The following AFAP1 variants were observed in gnomAD, a reference collection of about 807,000 sequenced individuals.
AFAP1 encodes actin filament-associated protein 1.
In AFAP1, 75 loss-of-function variants were observed where a neutral mutation model predicts 93.9. The ratio of observed to expected loss-of-function variants is 0.80; its 90% confidence interval spans 0.66 to 0.97. AFAP1 has a LOEUF of 0.97. Among genes scored for constraint, AFAP1 ranks in the 50% least tolerant of loss-of-function variants. AFAP1 has a pLI of 0.00. For synonymous variants in AFAP1, 517 were observed against 430.7 expected (o/e 1.20, Z -2.48); for missense variants, 1,201 against 1,050.8 (o/e 1.14, Z -1.98).
Position 7,806,864 on chromosome 4 carries a change from G to A in AFAP1, c.1054+2750C>T, listed in dbSNP as rs114533155. The stretch of plus-strand genomic sequence containing the variant: ...ATTCCTGCTCCCTGAGCGACCAACT[G>A]TGCTTCCAAGAAAGTGCCCAAGAAG... On this transcript the variant is annotated intron_variant, in intron 9 of 17. Coordinates refer to ENST00000420658, the MANE Select transcript of AFAP1 (RefSeq NM_001134647.2). 6.8e-3 allele frequency among the ~76,000 whole-genome samples: 1,040 copies of A among 152,274 alleles called. 14 individuals are homozygous for A. The highest frequency in any genetic ancestry group is 0.024 in the African/African-American group (1,005 of 41,562).
At chr4:7,791,817 C>A (rs1350791938) in intron 11 of AFAP1, among the ~76,000 whole-genome samples, 2 of 148,924 alleles carry the variant, frequency 1.3e-5, no homozygotes, top group Admixed American at 6.8e-5. Flanking sequence ...TGTGCCACTG[C>A]ACTCCAGCCT....
intron 6 of AFAP1, among the ~76,000 whole-genome samples, chr4:7,824,835 G>C (rs1282600668): frequency 2.0e-5 from 3 of 152,052 alleles, no homozygotes; most frequent in African/African-American, 4.8e-5. Context: ...AACTGGTGAA[G>C]GGTACAGTGT....
rs10611947 is a variant in AFAP1, at chr4:7,840,262, ATGTG to A, written c.547-1563_547-1560del. ...GAGTCCTTTCTGGTTTGTTTTTGGGATGTGTGTGTGTGTGTGTGTGTGTGTTCCT... is the reference window on the plus strand; with the variant it reads ...GAGTCCTTTCTGGTTTGTTTTTGGGATGTGTGTGTGTGTGTGTGTGTTCCT... On this transcript the variant is annotated intron_variant, in intron 5 of 17. Transcript: ENST00000420658. Among the ~76,000 whole-genome samples the A allele has an allele frequency of 1.4e-3, 216 of 150,006 alleles. 2 individuals are homozygous for A. The East Asian group carries it at 0.024, about 17-fold the overall frequency.
chr4:7,876,394 C>T (rs1717508180), intron 1 of AFAP1, among the ~76,000 whole-genome samples: 1 of 152,216 alleles, frequency 6.6e-6, no homozygotes, highest in Non-Finnish European at 1.5e-5. Context: ...CGGCCGGATT[C>T]CAAGACAGTC....
At chr4:7,921,100 C>T (rs1480573583) in intron 1 of AFAP1, among the ~76,000 whole-genome samples, 1 of 151,306 alleles carries the variant, frequency 6.6e-6, no homozygotes, top group African/African-American at 2.4e-5. Context: ...CTGAGTGAAC[C>T]ACACATCCTA....
At chr4:7,879,150 C>G (rs1717694416) in intron 1 of AFAP1, among the ~76,000 whole-genome samples, 1 of 152,224 alleles carries the variant, frequency 6.6e-6, no homozygotes, top group African/African-American at 2.4e-5. Flanking sequence ...ACTGGAAAGA[C>G]TGAAGCAAGG....
At position 7,786,250 on chromosome 4, in the gene AFAP1, C is replaced by CCCCCTAG. The variant is rs1189965474; in HGVS notation, c.1473_1474insCTAGGGG (p.Ala492LeufsTer13). On this transcript the variant is annotated frameshift_variant, in exon 12 of 18. Coordinates refer to ENST00000420658, the MANE Select transcript of AFAP1 (RefSeq NM_001134647.2). LOFTEE classifies it high-confidence loss of function. ...TGAAGTGCCGTCCCGCTGGGGTGGG[C>CCCCCTAG]ATAGCCGTTGGAGGTGCCCCCTAGA... 1 of 1,614,156 alleles carries CCCCCTAG rather than the reference C, an allele frequency of 6.2e-7. No homozygotes were observed. Among genetic ancestry groups the CCCCCTAG allele is most frequent in the Non-Finnish European group, 8.5e-7 (1 of 1,180,032 alleles).
chr4:7,778,925 C>G, intron 13 of AFAP1, 49 bp from the exon 14 acceptor site: 1 of 1,373,010 alleles, frequency 7.3e-7, no homozygotes, highest in Non-Finnish European at 1.0e-6. Context: ...CAAAGTCAAA[C>G]AAATCTTGGT....
intron 8 of AFAP1, among the ~76,000 whole-genome samples, chr4:7,814,195 AAT>A (rs1720277513): frequency 6.6e-6 from 1 of 152,252 alleles, no homozygotes; most frequent in South Asian, 2.1e-4. Context: ...ATCCAATAAA[AAT>A]ATGAGCAAAA....
chr4:7,780,643 C>T (rs534362983), intron 13 of AFAP1, among the ~76,000 whole-genome samples: 1,619 of 142,600 alleles, frequency 0.011, 34 homozygotes, highest in African/African-American at 0.039. Flanking sequence ...GAGACTTCAT[C>T]TTTTTTTTTT....
Position 7,773,003 on chromosome 4 carries a change from C to T in AFAP1, c.2070G>A (p.Lys690=), listed in dbSNP as rs1470409906. The T allele has an allele frequency of 1.9e-6, 3 of 1,608,956 alleles. No homozygotes were observed. In the African/African-American group the frequency reaches 4.0e-5, roughly 21 times the overall value. ...GCTTCTCCTCCAGGATCGCCTGCGG[C>T]TTCCTGCCTGGAATTCCCAGAAACG... The part of the protein sequence containing the change: ...RAAIEVNAGR[K]PQAILEEKLK... The change falls in exon 16 of 18, where the codon AAG becomes AAA. Residue 690 remains lysine (K), a synonymous_variant. Coordinates refer to ENST00000420658, the MANE Select transcript of AFAP1 (RefSeq NM_001134647.2).
chr4:7,769,833 C>A (rs939945085), intron 16 of AFAP1, among the ~76,000 whole-genome samples: 1 of 152,214 alleles, frequency 6.6e-6, no homozygotes, highest in Non-Finnish European at 1.5e-5. Flanking sequence ...CCCCTGTGGG[C>A]TTTACTGGCC....
intron 9 of AFAP1, among the ~76,000 whole-genome samples, chr4:7,808,270 G>A (rs376448812): frequency 5.3e-5 from 8 of 152,146 alleles, no homozygotes; most frequent in African/African-American, 1.7e-4. Flanking sequence ...AAGGCATTCC[G>A]GATGGAAACT....
intron 9 of AFAP1, among the ~76,000 whole-genome samples, chr4:7,801,747 C>A (rs186068367): frequency 6.6e-6 from 1 of 151,722 alleles, no homozygotes; most frequent in East Asian, 1.9e-4. Flanking sequence ...CATACCCCTA[C>A]CTCAAAAATG....
At chr4:7,783,734 CG>C (rs1314992846) in intron 12 of AFAP1, among the ~76,000 whole-genome samples, 1 of 152,172 alleles carries the variant, frequency 6.6e-6, no homozygotes, top group Non-Finnish European at 1.5e-5. Flanking sequence ...CTGAATAAAA[CG>C]GGCTGGGTGG....
At position 7,832,332 on chromosome 4, in the gene AFAP1, G is replaced by GA. The variant is rs113115468; in HGVS notation, c.726+6191dup. Among the ~76,000 whole-genome samples the GA allele has an allele frequency of 8.8e-3, 1,285 of 145,420 alleles. 16 individuals are homozygous for GA. Among genetic ancestry groups the GA allele is most frequent in the African/African-American group, 0.025 (987 of 39,762 alleles). ...GAGCCTCAGCCACTGCCAATAACAT[G>GA]AAAAAAAAAAAGCATCTGTGTGTCC... On this transcript the variant is annotated intron_variant, in intron 6 of 17. Transcript: ENST00000420658.
chr4:7,830,056 T>C (rs1263761548), intron 6 of AFAP1, among the ~76,000 whole-genome samples: 1 of 152,126 alleles, frequency 6.6e-6, no homozygotes, highest in Non-Finnish European at 1.5e-5. Flanking sequence ...AAAGAGGAAG[T>C]GCTCTATTCT....
At chr4:7,930,273 C>A (rs1720991998) in intron 1 of AFAP1, among the ~76,000 whole-genome samples, 2 of 152,218 alleles carry the variant, frequency 1.3e-5, no homozygotes, top group Admixed American at 1.3e-4. Context: ...ACCTCCCCAG[C>A]ACCAAATGAG....
chr4:7,919,241 A>G (rs1009886323), intron 1 of AFAP1, among the ~76,000 whole-genome samples: 4 of 152,250 alleles, frequency 2.6e-5, no homozygotes, highest in Admixed American at 2.6e-4. Context: ...CAACAAAACA[A>G]AAAATACCTG....
Sources: allele counts gnomAD v4.1 joint callset (sites outside exome capture counted in the v4.1 genomes callset), GRCh38; gene constraint gnomAD v4.1.1; transcripts MANE v1.5; gene names NCBI Gene and HGNC (gene_info 2026-07-23, HGNC 2026-07-21).